Variants in NBEA observed in about 807,000 individuals in gnomAD.
NBEA encodes neurobeachin.
In NBEA, 44 loss-of-function variants were observed where a neutral mutation model predicts 343.4. That is an observed-to-expected ratio of 0.13 (90% CI 0.10 to 0.16). NBEA has a LOEUF of 0.16. Ranked by LOEUF, NBEA falls within the 10% of genes least tolerant of loss-of-function variation. The pLI is 1.00. For missense variants in NBEA, 2,555 were observed against 3,631.3 expected, an observed-to-expected ratio of 0.70 and a Z score of 7.62; for synonymous variants, 1,175 against 1,238.7, an observed-to-expected ratio of 0.95 and a Z score of 1.08.
intron 40 of NBEA, among the ~76,000 whole-genome samples, chr13:35,453,745 G>C (rs906939342): frequency 3.9e-5 from 6 of 152,094 alleles, no homozygotes; most frequent in African/African-American, 1.4e-4. Flanking sequence ...GTCCCTTAAA[G>C]TTTATTATAA....
intron 31 of NBEA, among the ~76,000 whole-genome samples, chr13:35,205,666 T>A (rs1315683661): frequency 1.3e-5 from 2 of 152,050 alleles, no homozygotes; most frequent in Non-Finnish European, 2.9e-5. Context: ...GGATTATTGC[T>A]TCTTTCAGTC....
At chr13:35,354,491 C>T (rs2040384231) in intron 38 of NBEA, among the ~76,000 whole-genome samples, 1 of 152,122 alleles carries the variant, frequency 6.6e-6, no homozygotes, top group Non-Finnish European at 1.5e-5. Flanking sequence ...CCTGTGCTAG[C>T]TAGTCAACAA....
intron 1 of NBEA, among the ~76,000 whole-genome samples, chr13:35,030,615 A>G (rs1239958702): frequency 3.3e-5 from 5 of 151,694 alleles, no homozygotes; most frequent in Non-Finnish European, 7.4e-5. Context: ...TTTACTTATT[A>G]TATGCTTTAG....
At chr13:35,349,604 T>A (rs2040071435) in intron 37 of NBEA, among the ~76,000 whole-genome samples, 1 of 143,330 alleles carries the variant, frequency 7.0e-6, no homozygotes. Context: ...TTCAAAAAAA[T>A]CTTTCAATTT....
chr13:35,152,501 A>G (rs1178481994), intron 18 of NBEA, among the ~76,000 whole-genome samples: 1 of 152,182 alleles, frequency 6.6e-6, no homozygotes, highest in African/African-American at 2.4e-5. Flanking sequence ...AGTTGAGCCT[A>G]CTAATACTAC....
intron 36 of NBEA, among the ~76,000 whole-genome samples, chr13:35,326,789 G>A (rs1248815415): frequency 1.3e-5 from 2 of 151,780 alleles, no homozygotes; most frequent in Non-Finnish European, 2.9e-5. Flanking sequence ...TTGACAAGTG[G>A]GACAAGGTTA....
chr13:35,597,845 C>T (rs1309667939), intron 47 of NBEA, among the ~76,000 whole-genome samples: 1 of 152,066 alleles, frequency 6.6e-6, no homozygotes, highest in African/African-American at 2.4e-5. Context: ...TGGGGCCCTC[C>T]CAGAATAAGG....
chr13:35,511,822 A>G (rs1238101085), intron 41 of NBEA, among the ~76,000 whole-genome samples: 3 of 152,152 alleles, frequency 2.0e-5, no homozygotes, highest in Non-Finnish European at 2.9e-5. Context: ...GGTATTGTGT[A>G]TTGTTAATAT....
intron 1 of NBEA, among the ~76,000 whole-genome samples, chr13:34,960,028 C>A (rs1033870342): frequency 2.6e-5 from 4 of 152,012 alleles, no homozygotes; most frequent in Middle Eastern, 3.2e-3. Context: ...CAGCCTCAGG[C>A]AGGTCTTGCA....
At chr13:35,229,287 C>G (rs878880000) in intron 33 of NBEA, among the ~76,000 whole-genome samples, 2 of 152,152 alleles carry the variant, frequency 1.3e-5, no homozygotes, top group Admixed American at 1.3e-4. Flanking sequence ...CTTCTTCAGT[C>G]TTCCAAAGCG....
intron 36 of NBEA, among the ~76,000 whole-genome samples, chr13:35,342,789 G>A (rs1021337776): frequency 5.3e-5 from 8 of 151,752 alleles, no homozygotes; most frequent in African/African-American, 1.9e-4. Context: ...CAATCAGTAG[G>A]GAGTAAAAAA....
At chr13:35,184,969 T>C (rs2071590710) in intron 30 of NBEA, among the ~76,000 whole-genome samples, 1 of 152,132 alleles carries the variant, frequency 6.6e-6, no homozygotes, top group Non-Finnish European at 1.5e-5. Flanking sequence ...GTATGGCACA[T>C]TGGCCTTTAA....
At chr13:35,093,360 A>C (rs1203907984) in intron 10 of NBEA, among the ~76,000 whole-genome samples, 2 of 151,960 alleles carry the variant, frequency 1.3e-5, no homozygotes, top group Admixed American at 1.3e-4. Context: ...CATTTAAAAA[A>C]TAAAATTAAC....
At chr13:35,118,113 A>T (rs899298259) in intron 14 of NBEA, 115 bp from the exon 15 acceptor site, 1 of 596,536 alleles carries the variant, frequency 1.7e-6, no homozygotes, top group East Asian at 3.1e-5. Context: ...TTTAATTAAA[A>T]TATCACTACA....
In NBEA at chr13:34,973,279, A is replaced by T. The variant is rs910713337; in HGVS notation, c.294+30165A>T. Among the ~76,000 whole-genome samples, 3 of 152,190 alleles carry T rather than the reference A, an allele frequency of 2.0e-5. No individual in the cohort carries two copies. In the South Asian group the frequency reaches 6.2e-4, roughly 32 times the overall value. ...GTCTTGCCCAGTCAGGAGGAACAGG[A>T]TTGGAGACCTGCTAAGGAAGCAGCC... On this transcript the variant is annotated intron_variant, in intron 1 of 58. Transcript: ENST00000379939.
chr13:35,596,061 T>G (rs988361282), intron 47 of NBEA, among the ~76,000 whole-genome samples: 10 of 151,918 alleles, frequency 6.6e-5, no homozygotes, highest in African/African-American at 2.4e-4. Flanking sequence ...CGTCTTAGCT[T>G]TGTTATGGTT....
intron 49 of NBEA, among the ~76,000 whole-genome samples, chr13:35,637,441 A>G (rs1211369721): frequency 6.6e-6 from 1 of 152,188 alleles, no homozygotes; most frequent in Non-Finnish European, 1.5e-5. Flanking sequence ...AGCAAATTCT[A>G]CTTCCGGATA....
intron 34 of NBEA, among the ~76,000 whole-genome samples, chr13:35,289,294 A>G (rs1348252504): frequency 6.6e-6 from 1 of 151,926 alleles, no homozygotes; most frequent in South Asian, 2.1e-4. Context: ...AAATGATAGT[A>G]TTTCTAAAAA....
intron 36 of NBEA, among the ~76,000 whole-genome samples, chr13:35,328,892 T>A (rs2038751740): frequency 6.6e-6 from 1 of 151,818 alleles, no homozygotes. Context: ...TTTATACCAT[T>A]TGACTTTGAG....
Sources: gnomAD v4.1 joint callset for allele counts (sites outside exome capture counted in the v4.1 genomes callset) on GRCh38, gnomAD v4.1.1 for gene constraint, MANE v1.5 for transcripts, NCBI Gene and HGNC (gene_info 2026-07-23, HGNC 2026-07-21) for gene names.